Variants in DPP10 observed in about 807,000 individuals in gnomAD.
The protein encoded by DPP10 is dipeptidyl peptidase like 10, also known as inactive dipeptidyl peptidase 10.
Under a neutral mutation model 120.9 loss-of-function variants are expected in DPP10, and 33 were observed. The observed-to-expected ratio is 0.27, with a 90% confidence interval of 0.21 to 0.37. DPP10 has a LOEUF of 0.37. DPP10 is among the 10% of genes least tolerant of loss of function. The pLI is 1.00. For synonymous variants in DPP10, 337 were observed against 326.1 expected (o/e 1.03, Z -0.36); for missense variants, 816 against 942.8 (o/e 0.87, Z 1.76).
intron 2 of DPP10, among the ~76,000 whole-genome samples, chr2:115,326,829 CAAT>C (rs2062394777): frequency 6.6e-6 from 1 of 152,098 alleles, no homozygotes; most frequent in African/African-American, 2.4e-5. Flanking sequence ...AGAAAAGTGT[CAAT>C]GATGAAAAAC....
chr2:115,460,575 C>G (rs1167979335), intron 3 of DPP10, among the ~76,000 whole-genome samples: 1 of 152,182 alleles, frequency 6.6e-6, no homozygotes, highest in Non-Finnish European at 1.5e-5. Flanking sequence ...GGCTATTCTT[C>G]CTGGCTGGTT....
intron 1 of DPP10, among the ~76,000 whole-genome samples, chr2:114,470,349 G>A (rs901315280): frequency 6.6e-6 from 1 of 152,130 alleles, no homozygotes; most frequent in Admixed American, 6.5e-5. Flanking sequence ...AGGGTTTCTG[G>A]TCTCTGAAGA....
chr2:115,742,069 A>G (rs909599202), intron 9 of DPP10, among the ~76,000 whole-genome samples: 7 of 152,040 alleles, frequency 4.6e-5, no homozygotes, highest in Non-Finnish European at 5.9e-5. Flanking sequence ...GATAAACTTT[A>G]TGTTTTCAGG....
rs3980957 is a variant in DPP10 at position 115,483,479 on chromosome 2, C to CTATCTATCTATCTATATCTGTATG, written c.272-16030_272-16029insATCTATCTATCTATATCTGTATGT. On this transcript the variant is annotated intron_variant, in intron 3 of 25. Coordinates refer to ENST00000410059, the MANE Select transcript of DPP10 (RefSeq NM_020868.6). ...TCTATCTATCTATCTATCTATCTAT[C>CTATCTATCTATCTATATCTGTATG]TGTATGTGTATGTGTGTGCATTTGT... Among the ~76,000 whole-genome samples the CTATCTATCTATCTATATCTGTATG allele has an allele frequency of 3.9e-3, 568 of 144,168 alleles. 1 individual carries two copies. Among genetic ancestry groups the CTATCTATCTATCTATATCTGTATG allele is most frequent in the South Asian group, 6.5e-3 (28 of 4,290 alleles). The allele number at this position is 144,168 out of a possible 152,430, so 94.6% of individuals were successfully genotyped here. A position where few individuals can be genotyped will look rare whatever the true frequency, so the allele number is the denominator to read the frequency against.
At chr2:115,702,105 A>G (rs892876505) in intron 7 of DPP10, among the ~76,000 whole-genome samples, 1 of 152,016 alleles carries the variant, frequency 6.6e-6, no homozygotes, top group African/African-American at 2.4e-5. Context: ...ATATCCTGCC[A>G]AAGGACTACT....
At chr2:115,578,052 A>G (rs1320815893) in intron 5 of DPP10, among the ~76,000 whole-genome samples, 1 of 152,212 alleles carries the variant, frequency 6.6e-6, no homozygotes, top group East Asian at 1.9e-4. Flanking sequence ...AAAACTGAAT[A>G]CCTATTTCAC....
intron 1 of DPP10, among the ~76,000 whole-genome samples, chr2:115,289,455 G>GA (rs2060552659): frequency 3.0e-5 from 1 of 32,826 alleles, no homozygotes; most frequent in Non-Finnish European, 6.4e-5. Flanking sequence ...CACAGAATTA[G>GA]AAAAAACAAG....
chr2:115,425,848 T>C (rs2070406701), intron 3 of DPP10, among the ~76,000 whole-genome samples: 1 of 152,170 alleles, frequency 6.6e-6, no homozygotes, highest in Non-Finnish European at 1.5e-5. Context: ...AGGGAGCTTT[T>C]ACTCATGGCA....
Position 114,702,095 on chromosome 2 carries a change from T to C in DPP10, c.60+259257T>C, listed in dbSNP as rs919313989. Reference sequence around the variant, plus strand: ...CACTGCAGTGTAATGTGATTGTCAATGTATTTATAGATCAACCACATTAGA... The same window carrying C: ...CACTGCAGTGTAATGTGATTGTCAACGTATTTATAGATCAACCACATTAGA... On this transcript the variant is annotated intron_variant, in intron 1 of 25. Coordinates refer to ENST00000410059, the MANE Select transcript of DPP10 (RefSeq NM_020868.6). 5.9e-5 allele frequency among the ~76,000 whole-genome samples: 9 copies of C among 152,084 alleles called. No individual in the cohort carries two copies. The South Asian group carries it at 6.2e-4, about 10-fold the overall frequency.
intron 3 of DPP10, among the ~76,000 whole-genome samples, chr2:115,453,516 C>G (rs1003973135): frequency 6.6e-6 from 1 of 150,938 alleles, no homozygotes; most frequent in Non-Finnish European, 1.5e-5. Flanking sequence ...TTTGGGAAAC[C>G]CTGAAGTATT....
intron 7 of DPP10, among the ~76,000 whole-genome samples, chr2:115,725,796 G>T (rs1294302238): frequency 1.3e-5 from 2 of 152,090 alleles, no homozygotes; most frequent in Non-Finnish European, 2.9e-5. Context: ...GTACAGGAAA[G>T]GAATTTCCTC....
At chr2:115,009,442 TG>T (rs1177182230) in intron 1 of DPP10, among the ~76,000 whole-genome samples, 3 of 146,140 alleles carry the variant, frequency 2.1e-5, no homozygotes, top group Non-Finnish European at 4.5e-5. Flanking sequence ...TGGGGGTTGG[TG>T]GGGAGGGATA....
rs185935742 is a variant in DPP10, at chr2:115,749,906, A to C, written c.951-3268A>C. The C allele has an allele frequency of 7.0e-5, 56 of 796,218 alleles. 1 individual carries two copies. In the East Asian group the frequency reaches 5.3e-3, roughly 75 times the overall value. 49.3% of individuals were successfully genotyped at this position (796,218 alleles called of 1,614,324 possible). A position where few individuals can be genotyped will look rare whatever the true frequency, so the allele number is the denominator to read the frequency against. ...TCCACATAACCTTGTGTACAATTAG[A>C]TCTTCTGTGCCAGACCACCCAGCTG... On this transcript the variant is annotated intron_variant, in intron 10 of 25. Transcript: ENST00000410059.
At chr2:115,092,711 C>T (rs558004963) in intron 1 of DPP10, among the ~76,000 whole-genome samples, 1 of 152,230 alleles carries the variant, frequency 6.6e-6, no homozygotes, top group Admixed American at 6.5e-5. Flanking sequence ...GATCACTAAA[C>T]CTCAATATTG....
chr2:115,449,249 T>C (rs1329206747), intron 3 of DPP10, among the ~76,000 whole-genome samples: 3 of 152,118 alleles, frequency 2.0e-5, no homozygotes, highest in Non-Finnish European at 4.4e-5. Context: ...AGATATACTG[T>C]GAGAGAGCCA....
At chr2:114,832,428 A>G (rs1280421486) in intron 1 of DPP10, among the ~76,000 whole-genome samples, 2 of 152,198 alleles carry the variant, frequency 1.3e-5, no homozygotes, top group Non-Finnish European at 2.9e-5. Flanking sequence ...CCAGCTACTC[A>G]GGAGGCTGAG....
chr2:114,507,622 C>T (rs1268808193), intron 1 of DPP10, among the ~76,000 whole-genome samples: 9 of 151,804 alleles, frequency 5.9e-5, no homozygotes, highest in Admixed American at 2.6e-4. Context: ...AGGTTCTATC[C>T]GGGATTGATA....
chr2:115,595,735 A>G (rs1452759044), intron 5 of DPP10, among the ~76,000 whole-genome samples: 1 of 151,676 alleles, frequency 6.6e-6, no homozygotes, highest in African/African-American at 2.4e-5. Flanking sequence ...TTCCTCCCCA[A>G]TTTTCTATAT....
At chr2:114,587,317 A>G (rs1418483533) in intron 1 of DPP10, among the ~76,000 whole-genome samples, 3 of 151,730 alleles carry the variant, frequency 2.0e-5, no homozygotes, top group African/African-American at 7.3e-5. Context: ...AAAAAAAAAA[A>G]AAAATACACA....
Sources: allele counts gnomAD v4.1 joint callset (sites outside exome capture counted in the v4.1 genomes callset), GRCh38; gene constraint gnomAD v4.1.1; transcripts MANE v1.5; gene names NCBI Gene and HGNC (gene_info 2026-07-23, HGNC 2026-07-21).